FAM107B: variants seen among roughly 807,000 people sequenced by gnomAD.
FAM107B encodes protein FAM107B.
In FAM107B, 21 loss-of-function variants were observed where a neutral mutation model predicts 31.5. The ratio of observed to expected loss-of-function variants is 0.67; its 90% CI spans 0.47 to 0.96. The LOEUF is 0.96. Among genes scored for constraint, FAM107B ranks in the 40% least tolerant of loss-of-function variants. FAM107B has a pLI of 0.00. For synonymous variants in FAM107B, 157 were observed against 141.5 expected (o/e 1.11, Z -0.78); for missense variants, 452 against 377.1 (o/e 1.20, Z -1.64).
chr10:14,760,583 C>T (rs951424132), intron 1 of FAM107B, among the ~76,000 whole-genome samples: 3 of 149,518 alleles, frequency 2.0e-5, no homozygotes, highest in Admixed American at 6.6e-5. Context: ...AAGCATATTG[C>T]CAAGAAGAGA....
In FAM107B at chr10:14,584,887, G is replaced by A. The variant is rs569529861; in HGVS notation, c.470-54372C>T. Among the ~76,000 whole-genome samples, 4 of 152,302 alleles carry A rather than the reference G, an allele frequency of 2.6e-5. No homozygotes were observed. The East Asian group carries it at 5.8e-4, about 22-fold the overall frequency. ...ACAGGCCAAGTCTTCATTTGCACAG[G>A]AGTATAACTTTGTAACTTCACTTCA... On this transcript the variant is annotated intron_variant, in intron 2 of 4. Transcript: ENST00000181796.
chr10:14,530,071 G>A (rs1233473897), intron 3 of FAM107B: 4 of 357,304 alleles, frequency 1.1e-5, no homozygotes, highest in African/African-American at 6.3e-5. Context: ...TCCGAATTTG[G>A]AAATACACAT....
At chr10:14,574,754 C>T (rs1851412190) in intron 2 of FAM107B, among the ~76,000 whole-genome samples, 1 of 152,188 alleles carries the variant, frequency 6.6e-6, no homozygotes, top group Non-Finnish European at 1.5e-5. Flanking sequence ...AATAACATTA[C>T]ATTCACACTT....
At chr10:14,748,568 A>T (rs1832770405) in intron 1 of FAM107B, among the ~76,000 whole-genome samples, 1 of 152,242 alleles carries the variant, frequency 6.6e-6, no homozygotes, top group Non-Finnish European at 1.5e-5. Context: ...AAAGTAGAAG[A>T]ACTGGAAACA....
chr10:14,663,293 A>G (rs1854298081), intron 2 of FAM107B: 1 of 152,228 alleles, frequency 6.6e-6, no homozygotes, highest in Non-Finnish European at 1.5e-5. Flanking sequence ...ATTCCCCTTC[A>G]TATATGCATC....
At chr10:14,696,507 T>G (rs1855268815) in intron 1 of FAM107B, among the ~76,000 whole-genome samples, 1 of 152,088 alleles carries the variant, frequency 6.6e-6, no homozygotes, top group Admixed American at 6.5e-5. Context: ...AAGATGTGTT[T>G]GGAAGTATTC....
chr10:14,643,557 A>G (rs1016711698), intron 2 of FAM107B, among the ~76,000 whole-genome samples: 3 of 151,968 alleles, frequency 2.0e-5, no homozygotes, highest in Non-Finnish European at 4.4e-5. Context: ...CTACAGACAC[A>G]TGCCACCACA....
chr10:14,582,321 C>T (rs932647853), intron 2 of FAM107B, among the ~76,000 whole-genome samples: 6 of 151,202 alleles, frequency 4.0e-5, no homozygotes, highest in Admixed American at 1.3e-4. Context: ...ACCAGAGCAT[C>T]GAAGTGTAAG....
At chr10:14,751,344 C>T (rs1421725210) in intron 1 of FAM107B, among the ~76,000 whole-genome samples, 1 of 152,170 alleles carries the variant, frequency 6.6e-6, no homozygotes, top group Non-Finnish European at 1.5e-5. Context: ...GCTAAGTGTG[C>T]TTGGACCATA....
intron 2 of FAM107B, among the ~76,000 whole-genome samples, chr10:14,550,422 C>T: frequency 6.6e-6 from 1 of 152,208 alleles, no homozygotes; most frequent in Non-Finnish European, 1.5e-5. Flanking sequence ...CATCAAGTTA[C>T]TCACTCTGGC....
chr10:14,538,702 TG>T (rs1481387940), intron 2 of FAM107B, among the ~76,000 whole-genome samples: 1 of 152,202 alleles, frequency 6.6e-6, no homozygotes, highest in Admixed American at 6.5e-5. Flanking sequence ...CTCCTCTGCA[TG>T]TGTAAGAGTA....
chr10:14,690,513 G>A (rs1355831334), intron 1 of FAM107B, among the ~76,000 whole-genome samples: 1 of 152,008 alleles, frequency 6.6e-6, no homozygotes, highest in East Asian at 1.9e-4. Context: ...GAGTGCAGTG[G>A]TGTGAACTCA....
At chr10:14,645,289 C>T (rs1029151462) in intron 2 of FAM107B, among the ~76,000 whole-genome samples, 15 of 152,176 alleles carry the variant, frequency 9.9e-5, no homozygotes, top group Admixed American at 6.5e-4. Flanking sequence ...CTGCCTGTCT[C>T]GCATTCTCCA....
At chr10:14,551,008 C>G (rs965573751) in intron 2 of FAM107B, among the ~76,000 whole-genome samples, 2 of 152,122 alleles carry the variant, frequency 1.3e-5, no homozygotes, top group African/African-American at 4.8e-5. Context: ...AAAAATTAAT[C>G]TGAACAGCTT....
intron 2 of FAM107B, among the ~76,000 whole-genome samples, chr10:14,591,052 CTA>C (rs960375937): frequency 2.1e-5 from 3 of 145,188 alleles, no homozygotes; most frequent in Non-Finnish European, 3.0e-5. Context: ...AAACACAAAA[CTA>C]TTTCAGATGT....
In FAM107B at chr10:14,530,333, T is replaced by G. The variant is rs1215141043; in HGVS notation, c.652A>C (p.Arg218=). The change falls in exon 3 of 5, where the codon AGG becomes CGG. Residue 218 remains arginine (R), a splice_region_variant and synonymous_variant. Coordinates refer to ENST00000181796, the MANE Select transcript of FAM107B (RefSeq NM_031453.4). ...AATATGCTCAAGAAACCATTTTACC[T>G]TTTTTGATTCATAAGAAGTTCTCTG... ...LHRELLMNQK[R]GLAPQNKPEL... is the part of the protein sequence containing the mutation. 1.9e-6 allele frequency: 3 copies of G among 1,601,084 alleles called. No individual in the cohort carries two copies. Among genetic ancestry groups the G allele is most frequent in the Non-Finnish European group, 2.6e-6 (3 of 1,176,358 alleles).
chr10:14,755,732 CT>C (rs1349372983), intron 1 of FAM107B, among the ~76,000 whole-genome samples: 4 of 152,130 alleles, frequency 2.6e-5, no homozygotes, highest in Non-Finnish European at 5.9e-5. Flanking sequence ...GTGTTTATAT[CT>C]TTAAGATGAT....
chr10:14,647,860 C>T (rs369918392), intron 2 of FAM107B, among the ~76,000 whole-genome samples: 8 of 152,008 alleles, frequency 5.3e-5, no homozygotes, highest in Non-Finnish European at 5.9e-5. Flanking sequence ...CAAGGCAATG[C>T]GGTAAACACC....
intron 1 of FAM107B, among the ~76,000 whole-genome samples, chr10:14,691,287 C>A (rs1435434129): frequency 6.6e-6 from 1 of 152,180 alleles, no homozygotes. Context: ...GGGATCTGTA[C>A]TCTCAGAGTA....
Sources: gnomAD v4.1 joint callset for allele counts (sites outside exome capture counted in the v4.1 genomes callset) on GRCh38, gnomAD v4.1.1 for gene constraint, MANE v1.5 for transcripts, NCBI Gene and HGNC (gene_info 2026-07-23, HGNC 2026-07-21) for gene names.